ABI3BP: variants seen among roughly 807,000 people sequenced by gnomAD.
ABI3BP encodes the protein target of Nesh-SH3.
In ABI3BP, 216 loss-of-function variants were observed where a neutral mutation model predicts 268.6. That is an observed-to-expected ratio of 0.80 (90% CI 0.72 to 0.90). ABI3BP has a LOEUF of 0.90. ABI3BP is among the 40% of genes least tolerant of loss of function. The pLI, the probability that ABI3BP is intolerant of heterozygous loss-of-function variation, is 0.00. For synonymous variants in ABI3BP, 730 were observed against 730.0 expected (o/e 1.00, Z 0.00); for missense variants, 2,090 against 2,182.4 (o/e 0.96, Z 0.84).
At chr3:100,754,096 G>A (rs533882204) in intron 64 of ABI3BP, among the ~76,000 whole-genome samples, 25 of 152,304 alleles carry the variant, frequency 1.6e-4, no homozygotes, top group Non-Finnish European at 2.6e-4. Flanking sequence ...AACATTTGTC[G>A]CTGTTCCAGC....
intron 1 of ABI3BP, among the ~76,000 whole-genome samples, chr3:100,942,908 T>C (rs2070177412): frequency 1.3e-5 from 2 of 152,158 alleles, no homozygotes; most frequent in Non-Finnish European, 2.9e-5. Flanking sequence ...CATTTACAGA[T>C]ATTCAACACA....
intron 44 of ABI3BP, among the ~76,000 whole-genome samples, chr3:100,814,483 A>G (rs2097955161): frequency 2.0e-5 from 3 of 152,068 alleles, no homozygotes. Context: ...TTCAAAGTCC[A>G]ACTACTCTCT....
chr3:100,766,130 C>G (rs1294126723), intron 62 of ABI3BP, among the ~76,000 whole-genome samples, 181 bp from the exon 63 acceptor site: 1 of 152,222 alleles, frequency 6.6e-6, no homozygotes, highest in Non-Finnish European at 1.5e-5. Context: ...CAGATGAAGG[C>G]TCCAGAAGCA....
intron 15 of ABI3BP, among the ~76,000 whole-genome samples, chr3:100,851,506 C>A (rs1436877136): frequency 6.6e-6 from 1 of 152,132 alleles, no homozygotes; most frequent in East Asian, 1.9e-4. Context: ...AGCAAATATC[C>A]TGGGGAAGGT....
Position 100,886,282 on chromosome 3 carries a change from T to C in ABI3BP, c.503A>G (p.Lys168Arg). ...GGCTGGACAGATTTGAAAAATCCAC[T>C]TCTTTTCTTTATCCTTTTCTCGATA... is the stretch of plus-strand genomic sequence containing the variant. ...IRYREKDKEK[K>R]WIFQICPATE... Residue 168 changes from lysine to arginine, a missense_variant, in exon 5 of 68, where the codon AAG becomes AGG. Physicochemically the swap from Lys to Arg is conservative, Grantham distance 26. Coordinates refer to ENST00000471714, the MANE Select transcript of ABI3BP (RefSeq NM_001375547.2). 2.5e-6 allele frequency: 4 copies of C among 1,608,824 alleles called. No homozygotes were observed. Among genetic ancestry groups the C allele is most frequent in the Non-Finnish European group, 3.4e-6 (4 of 1,177,226 alleles).
chr3:100,938,005 T>C (rs557683007), intron 1 of ABI3BP, among the ~76,000 whole-genome samples: 1 of 152,180 alleles, frequency 6.6e-6, no homozygotes, highest in South Asian at 2.1e-4. Context: ...GGAACATAGA[T>C]GGAGCTGGAG....
intron 63 of ABI3BP, among the ~76,000 whole-genome samples, chr3:100,756,581 GAAA>G (rs1049267005): frequency 6.6e-6 from 1 of 152,138 alleles, no homozygotes; most frequent in South Asian, 2.1e-4. Context: ...ACTGAAAATG[GAAA>G]AAAAGAAATC....
intron 2 of ABI3BP, among the ~76,000 whole-genome samples, chr3:100,918,149 A>G (rs780309926): frequency 4.6e-5 from 7 of 152,188 alleles, no homozygotes; most frequent in Non-Finnish European, 8.8e-5. Context: ...TCTATTTCCA[A>G]AGAAATAACT....
At chr3:100,764,922 A>G (rs1360991503) in intron 63 of ABI3BP, among the ~76,000 whole-genome samples, 1 of 152,188 alleles carries the variant, frequency 6.6e-6, no homozygotes, top group African/African-American at 2.4e-5. Flanking sequence ...TGAAAGAAGT[A>G]TTGTTTTTGC....
rs542777530 is a variant in ABI3BP at position 100,908,289 on chromosome 3, C to T, written c.260-5603G>A. On this transcript the variant is annotated intron_variant, in intron 2 of 67. Coordinates refer to ENST00000471714, the MANE Select transcript of ABI3BP (RefSeq NM_001375547.2). ...TATGATCCTCCTTTACTAAACATGC[C>T]AGACCCTTGCTGGCACCAACAATGA... Among the ~76,000 whole-genome samples, 3 of 152,078 alleles carry T rather than the reference C, an allele frequency of 2.0e-5. No homozygotes were observed. In the South Asian group the frequency reaches 6.2e-4, roughly 32 times the overall value.
chr3:100,897,672 G>A (rs2153473893), intron 4 of ABI3BP, among the ~76,000 whole-genome samples: 1 of 152,244 alleles, frequency 6.6e-6, no homozygotes, highest in South Asian at 2.1e-4. Flanking sequence ...TTTCTAGAGT[G>A]ATAAAATTTT....
chr3:100,931,686 A>T (rs1344315623), intron 1 of ABI3BP, among the ~76,000 whole-genome samples: 1 of 152,088 alleles, frequency 6.6e-6, no homozygotes, highest in African/African-American at 2.4e-5. Flanking sequence ...ATTACGAAAC[A>T]CTGCTGAAAG....
intron 63 of ABI3BP, among the ~76,000 whole-genome samples, chr3:100,764,144 C>T (rs549682200): frequency 3.9e-5 from 6 of 152,330 alleles, no homozygotes; most frequent in African/African-American, 1.4e-4. Context: ...ACTATTCTAA[C>T]ACTCTCTTTG....
intron 34 of ABI3BP, among the ~76,000 whole-genome samples, chr3:100,827,604 T>C (rs1036997254): frequency 2.0e-5 from 3 of 152,190 alleles, no homozygotes; most frequent in Non-Finnish European, 2.9e-5. Flanking sequence ...CAAAGCTTGG[T>C]AGATTTTCCT....
intron 2 of ABI3BP, among the ~76,000 whole-genome samples, chr3:100,912,871 C>G (rs1044075459): frequency 1.3e-5 from 2 of 152,190 alleles, no homozygotes; most frequent in African/African-American, 2.4e-5. Context: ...GGTATATAAA[C>G]AGCTCACCAG....
chr3:100,914,467 A>G (rs1190529011), intron 2 of ABI3BP: 2 of 455,098 alleles, frequency 4.4e-6, no homozygotes, highest in Non-Finnish European at 8.8e-6. Flanking sequence ...ACAATGCAAA[A>G]ATGACTAGGA....
chr3:100,890,645 T>G (rs2044152432), intron 4 of ABI3BP, among the ~76,000 whole-genome samples: 1 of 152,174 alleles, frequency 6.6e-6, no homozygotes, highest in Non-Finnish European at 1.5e-5. Context: ...TTCTCCCACT[T>G]TCTTACCACT....
chr3:100,775,125 A>G, intron 60 of ABI3BP, 82 bp downstream of exon 60: 1 of 1,508,176 alleles, frequency 6.6e-7, no homozygotes. Flanking sequence ...CCTCAAACTG[A>G]GACTCACCCA....
At chr3:100,974,423 A>G (rs1423075610) in intron 1 of ABI3BP, among the ~76,000 whole-genome samples, 1 of 152,208 alleles carries the variant, frequency 6.6e-6, no homozygotes, top group Non-Finnish European at 1.5e-5. Context: ...TCAACCAGTA[A>G]AAGGAGCTAA....
Sources: allele counts gnomAD v4.1 joint callset (sites outside exome capture counted in the v4.1 genomes callset), GRCh38; gene constraint gnomAD v4.1.1; transcripts MANE v1.5; gene names NCBI Gene and HGNC (gene_info 2026-07-23, HGNC 2026-07-21).